CNTN4: variants seen among roughly 807,000 people sequenced by gnomAD.
CNTN4 encodes the protein contactin-4.
Under a neutral mutation model 122.5 loss-of-function variants are expected in CNTN4, and 77 were observed. That is an observed-to-expected ratio of 0.63 (90% CI 0.52 to 0.76). The LOEUF (loss-of-function observed/expected upper bound fraction) is 0.76, where lower values mean the gene tolerates loss of function less well. Ranked by LOEUF, CNTN4 falls within the 30% of genes least tolerant of loss-of-function variation. The probability of loss-of-function intolerance (pLI) is 0.00; values close to 1 mark genes in which losing one functional copy is unlikely to be tolerated. For missense variants in CNTN4, 1,256 were observed against 1,259.1 expected (o/e 1.00, Z 0.04); for synonymous variants, 512 against 447.0 (o/e 1.15, Z -1.83).
intron 2 of CNTN4, among the ~76,000 whole-genome samples, chr3:2,177,862 A>C (rs1221266371): frequency 6.6e-6 from 1 of 152,112 alleles, no homozygotes; most frequent in Admixed American, 6.6e-5. Flanking sequence ...TGACCAAACA[A>C]CTGGGCCCCA....
At chr3:2,356,479 T>C (rs1489595475) in intron 3 of CNTN4, among the ~76,000 whole-genome samples, 2 of 152,138 alleles carry the variant, frequency 1.3e-5, no homozygotes, top group Non-Finnish European at 1.5e-5. Context: ...GAGTGTCTTT[T>C]AGTATGTTAA....
intron 8 of CNTN4, among the ~76,000 whole-genome samples, chr3:2,873,047 CT>C (rs1378940671): frequency 6.6e-6 from 1 of 152,068 alleles, no homozygotes; most frequent in East Asian, 1.9e-4. Context: ...AAACGATGAC[CT>C]CAGCATCCTT....
At chr3:2,964,891 C>T (rs942905547) in intron 13 of CNTN4, among the ~76,000 whole-genome samples, 1 of 152,160 alleles carries the variant, frequency 6.6e-6, no homozygotes, top group African/African-American at 2.4e-5. Context: ...CATCATCTGT[C>T]TGGACCACAT....
At chr3:2,938,852 T>A (rs578011971) in intron 13 of CNTN4, among the ~76,000 whole-genome samples, 1 of 152,336 alleles carries the variant, frequency 6.6e-6, no homozygotes, top group South Asian at 2.1e-4. Flanking sequence ...AATAGCTGTG[T>A]ATCATCAAGT....
At chr3:2,682,454 A>T (rs1390242636) in intron 4 of CNTN4, among the ~76,000 whole-genome samples, 1 of 152,186 alleles carries the variant, frequency 6.6e-6, no homozygotes, top group Non-Finnish European at 1.5e-5. Flanking sequence ...TTACAAGCCC[A>T]GCATCTTGTA....
chr3:2,506,582 G>A (rs1191529916), intron 3 of CNTN4, among the ~76,000 whole-genome samples: 1 of 152,152 alleles, frequency 6.6e-6, no homozygotes, highest in Non-Finnish European at 1.5e-5. Flanking sequence ...GTCTAACAAC[G>A]GATTTCCTAA....
chr3:2,286,945 GA>G (rs2041922887), intron 2 of CNTN4, among the ~76,000 whole-genome samples: 2 of 152,290 alleles, frequency 1.3e-5, no homozygotes, highest in South Asian at 4.1e-4. Flanking sequence ...TTGTACCCCT[GA>G]GATGGATTAA....
chr3:2,553,657 G>T (rs1368884006), intron 3 of CNTN4, among the ~76,000 whole-genome samples: 1 of 152,152 alleles, frequency 6.6e-6, no homozygotes, highest in African/African-American at 2.4e-5. Flanking sequence ...TTTTGGGGGA[G>T]ATGGAAGCTG....
intron 7 of CNTN4, among the ~76,000 whole-genome samples, chr3:2,848,649 G>T (rs1053527743): frequency 2.0e-5 from 3 of 152,208 alleles, no homozygotes; most frequent in Admixed American, 2.0e-4. Context: ...GATAGTGTTA[G>T]GATCTCTCTA....
Position 2,334,981 on chromosome 3 carries a change from C to G in CNTN4, c.-144-4197C>G, listed in dbSNP as rs1340176878. The stretch of plus-strand genomic sequence containing the variant: ...TGTTTGTTCCCTAGGGTAAAATCAT[C>G]CTTTTTGACCTAGACCTTGCCAGCT... On this transcript the variant is annotated intron_variant, in intron 2 of 24. Coordinates refer to ENST00000418658, the MANE Select transcript of CNTN4 (RefSeq NM_175607.3). 4.6e-5 allele frequency among the ~76,000 whole-genome samples: 7 copies of G among 152,120 alleles called. No homozygotes were observed. The East Asian group carries it at 1.4e-3, about 29-fold the overall frequency.
At chr3:2,967,587 G>A (rs568076669) in intron 13 of CNTN4, among the ~76,000 whole-genome samples, 1 of 152,244 alleles carries the variant, frequency 6.6e-6, no homozygotes, top group East Asian at 1.9e-4. Context: ...GCCCAGGAGT[G>A]AACAAGGACA....
At chr3:2,593,087 G>T (rs1257067441) in intron 4 of CNTN4, among the ~76,000 whole-genome samples, 1 of 152,146 alleles carries the variant, frequency 6.6e-6, no homozygotes, top group Non-Finnish European at 1.5e-5. Flanking sequence ...GAACTCACAT[G>T]TTGGATTTTC....
intron 6 of CNTN4, among the ~76,000 whole-genome samples, chr3:2,782,253 A>G (rs78999067): frequency 0.022 from 3,410 of 151,682 alleles, 134 homozygotes; most frequent in African/African-American, 0.078. Flanking sequence ...TTACGTTTTA[A>G]GAGCCCTGGT....
In CNTN4 at chr3:3,019,158, G is replaced by A. The variant is rs946266799; in HGVS notation, c.1487-6944G>A. On this transcript the variant is annotated intron_variant, in intron 14 of 24. Coordinates refer to ENST00000418658, the MANE Select transcript of CNTN4 (RefSeq NM_175607.3). ...GGAAAGATAGCAATGGAGAATCACC[G>A]TTTGACAACCATCATAAAAGCCACT... 1.9e-4 allele frequency among the ~76,000 whole-genome samples: 29 copies of A among 152,198 alleles called. 1 individual carries two copies. In the East Asian group the frequency reaches 4.1e-3, roughly 21 times the overall value.
intron 2 of CNTN4, among the ~76,000 whole-genome samples, chr3:2,103,302 A>G (rs1467527780): frequency 1.3e-5 from 2 of 152,204 alleles, no homozygotes; most frequent in East Asian, 1.9e-4. Flanking sequence ...AAGTAGAAAA[A>G]AAGGATATAA....
intron 3 of CNTN4, among the ~76,000 whole-genome samples, chr3:2,415,509 G>A (rs943794122): frequency 6.6e-6 from 1 of 152,090 alleles, no homozygotes; most frequent in African/African-American, 2.4e-5. Context: ...CCAGGGACAG[G>A]GATGTAATGG....
At chr3:2,760,684 C>T (rs2090547308) in intron 6 of CNTN4, among the ~76,000 whole-genome samples, 1 of 152,148 alleles carries the variant, frequency 6.6e-6, no homozygotes, top group South Asian at 2.1e-4. Flanking sequence ...TGGACTCTAT[C>T]CTACATTCCC....
intron 6 of CNTN4, among the ~76,000 whole-genome samples, chr3:2,814,654 A>G (rs1411677549): frequency 1.2e-4 from 18 of 152,202 alleles, no homozygotes; most frequent in Admixed American, 1.1e-3. Flanking sequence ...ATGGCAAGTA[A>G]CTGATTTGAA....
At chr3:2,621,379 T>C (rs2081983279) in intron 4 of CNTN4, among the ~76,000 whole-genome samples, 1 of 152,134 alleles carries the variant, frequency 6.6e-6, no homozygotes. Context: ...GGTCTTAACT[T>C]TTGTATCTTA....
Sources: gnomAD v4.1 joint callset for allele counts (sites outside exome capture counted in the v4.1 genomes callset) on GRCh38, gnomAD v4.1.1 for gene constraint, MANE v1.5 for transcripts, NCBI Gene and HGNC (gene_info 2026-07-23, HGNC 2026-07-21) for gene names.